GAK: variants seen among roughly 807,000 people sequenced by gnomAD.
GAK encodes the protein cyclin G associated kinase, also known as cyclin-G-associated kinase.
Under a neutral mutation model 143.9 loss-of-function variants are expected in GAK, and 79 were observed. That is an observed-to-expected ratio of 0.55 (90% CI 0.46 to 0.66). The LOEUF (loss-of-function observed/expected upper bound fraction) is 0.66, where lower values mean the gene tolerates loss of function less well. GAK is among the 30% of genes least tolerant of loss of function. The pLI, the probability that GAK is intolerant of heterozygous loss-of-function variation, is 0.00. For synonymous variants in GAK, 881 were observed against 765.5 expected (o/e 1.15, Z -2.49); for missense variants, 1,693 against 1,779.7 (o/e 0.95, Z 0.88).
At chr4:925,243 G>A (rs1401557712) in intron 1 of GAK, among the ~76,000 whole-genome samples, 3 of 152,130 alleles carry the variant, frequency 2.0e-5, no homozygotes, top group African/African-American at 7.2e-5. Context: ...ACACTCTGAG[G>A]ACTTGGGACA....
intron 5 of GAK, among the ~76,000 whole-genome samples, chr4:902,184 C>G (rs1475801473): frequency 2.6e-5 from 4 of 151,570 alleles, no homozygotes; most frequent in African/African-American, 4.9e-5. Flanking sequence ...GCTGCATGAG[C>G]CGAGATCGTG....
chr4:906,950 G>A (rs1721186198), intron 4 of GAK, among the ~76,000 whole-genome samples: 1 of 152,140 alleles, frequency 6.6e-6, no homozygotes, highest in South Asian at 2.1e-4. Context: ...AACCAACTCT[G>A]CCCACACCAC....
intron 6 of GAK, among the ~76,000 whole-genome samples, 170 bp from the exon 7 acceptor site, chr4:896,719 C>T (rs993799656): frequency 6.6e-6 from 1 of 152,388 alleles, no homozygotes; most frequent in Non-Finnish European, 1.5e-5. Flanking sequence ...GCACCAGCTC[C>T]GCTGCTCATC....
chr4:904,871 A>C, intron 4 of GAK, 92 bp from the exon 5 acceptor site: 3 of 1,281,072 alleles, frequency 2.3e-6, no homozygotes, highest in Non-Finnish European at 1.1e-6. Flanking sequence ...CCAGAACTAA[A>C]TGGAAAGGAA....
At chr4:851,449 C>G in intron 25 of GAK, 3 of 517,764 alleles carry the variant, frequency 5.8e-6, no homozygotes, top group Non-Finnish European at 1.0e-5. Flanking sequence ...CTGCTGCCCC[C>G]GGGAACAGGG....
intron 14 of GAK, 36 bp from the exon 15 acceptor site, chr4:882,076 A>G (rs1433967947): frequency 6.4e-7 from 1 of 1,566,252 alleles, no homozygotes; most frequent in Non-Finnish European, 8.7e-7. Flanking sequence ...TGCGCCTCGC[A>G]CTCATGCAGG....
At chr4:891,640 T>C (rs1177225111) in intron 9 of GAK, among the ~76,000 whole-genome samples, 1 of 152,058 alleles carries the variant, frequency 6.6e-6, no homozygotes, top group Non-Finnish European at 1.5e-5. Context: ...TCTGCCCATC[T>C]GCCCAGCGGC....
intron 1 of GAK, among the ~76,000 whole-genome samples, chr4:917,577 T>A (rs1723276336): frequency 6.6e-6 from 1 of 151,810 alleles, no homozygotes; most frequent in African/African-American, 2.4e-5. Context: ...CTCTAGAAAA[T>A]GCAAATGAAT....
intron 9 of GAK, 22 bp downstream of exon 9, chr4:893,355 G>T: frequency 6.7e-7 from 1 of 1,493,756 alleles, no homozygotes; most frequent in Non-Finnish European, 9.0e-7. Context: ...GGGGATTTGG[G>T]GCTCACGTGT....
chr4:851,262 T>C (rs1021677138), intron 25 of GAK, 178 bp from the exon 26 acceptor site: 3 of 527,606 alleles, frequency 5.7e-6, no homozygotes, highest in Non-Finnish European at 1.0e-5. Flanking sequence ...CATGCCTGGC[T>C]AATTTTTACA....
intron 5 of GAK, among the ~76,000 whole-genome samples, chr4:902,611 A>AAAAAAAAAAAAC (rs1560401685): frequency 2.0e-5 from 3 of 149,830 alleles, no homozygotes; most frequent in Non-Finnish European, 3.0e-5. Context: ...AAAAAAAAAA[A>AAAAAAAAAAAAC]AAACCCCAAA....
At chr4:853,059 A>T (rs1334409280) in intron 24 of GAK, 1 of 150,930 alleles carries the variant, frequency 6.6e-6, no homozygotes, top group Non-Finnish European at 1.5e-5. Flanking sequence ...TCAAACTCCT[A>T]GGCTTAAGAG....
At chr4:899,459 A>G (rs931422739) in intron 5 of GAK, among the ~76,000 whole-genome samples, 14 of 151,426 alleles carry the variant, frequency 9.2e-5, no homozygotes, top group Non-Finnish European at 1.6e-4. Context: ...AGGGCAGCAC[A>G]CCAGCCACGG....
chr4:896,799 G>A (rs544401483), intron 6 of GAK, among the ~76,000 whole-genome samples: 2 of 152,352 alleles, frequency 1.3e-5, no homozygotes, highest in Admixed American at 6.5e-5. Context: ...ACGGCCTCCC[G>A]TGCTTCATGG....
Position 868,582 on chromosome 4 carries a change from G to A in GAK, c.2352C>T (p.Ser784=), listed in dbSNP as rs138831984. ...EPTDSDSPPS[S]SADASRFLHT... ...GCAGGAAGCGACTGGCGTCCGCGCT[G>A]CTGCTTGGCGGTGAGTCAGAGTCTG... The change falls in exon 20 of 28, where the codon AGC becomes AGT. Residue 784 remains serine, a synonymous_variant. Coordinates refer to ENST00000314167, the MANE Select transcript of GAK (RefSeq NM_005255.4). 4 of 1,605,244 alleles carry A rather than the reference G, an allele frequency of 2.5e-6. No homozygotes were observed. The highest frequency in any genetic ancestry group is 8.5e-7 in the Non-Finnish European group (1 of 1,176,392).
Position 876,510 on chromosome 4 carries a change from C to T in GAK, c.2054+20G>A. On this transcript the variant is annotated intron_variant, in intron 18 of 27. Transcript: ENST00000314167. ...AGGGCACCTGTCCCTCCCCACCGAG[C>T]ACAAGCGGTACCAACGTACTTGGCA... 6.2e-7 allele frequency: 1 copy of T among 1,611,076 alleles called. No homozygotes were observed. The highest frequency in any genetic ancestry group is 8.5e-7 in the Non-Finnish European group (1 of 1,177,214).
Position 867,134 on chromosome 4 carries a change from CG to C in GAK, c.2693del (p.Pro898ArgfsTer47). The C allele has an allele frequency of 1.3e-6, 2 of 1,586,848 alleles. No individual in the cohort carries two copies. The highest frequency in any genetic ancestry group is 1.7e-6 in the Non-Finnish European group (2 of 1,163,370). On this transcript the variant is annotated frameshift_variant, in exon 21 of 28. Transcript: ENST00000314167. LOFTEE classifies it high-confidence loss of function. ...SEVGAGPAVP[P>X]QACKAPSSNT... is the part of the protein sequence containing the mutation. ...TGCTGGAGGGGGCCTTGCAGGCCTGCGGGGGTACAGCTGGCCCTGCGCCCAC... is the reference window on the plus strand; with the variant it reads ...TGCTGGAGGGGGCCTTGCAGGCCTGCGGGGTACAGCTGGCCCTGCGCCCAC...
At chr4:867,805 C>T (rs1470686631) in intron 20 of GAK, among the ~76,000 whole-genome samples, 2 of 152,216 alleles carry the variant, frequency 1.3e-5, no homozygotes, top group Non-Finnish European at 2.9e-5. Context: ...AGGGCCCTGG[C>T]GAGTGCTGCA....
At chr4:883,085 T>C (rs1026747043) in intron 13 of GAK, among the ~76,000 whole-genome samples, 3 of 152,220 alleles carry the variant, frequency 2.0e-5, no homozygotes, top group African/African-American at 7.2e-5. Flanking sequence ...ACCCTCTGGC[T>C]GGTGGGAAGC....
Sources: gnomAD v4.1 joint callset for allele counts (sites outside exome capture counted in the v4.1 genomes callset) on GRCh38, gnomAD v4.1.1 for gene constraint, MANE v1.5 for transcripts, NCBI Gene and HGNC (gene_info 2026-07-23, HGNC 2026-07-21) for gene names.